The following C3orf20 variants were observed in gnomAD, a reference collection of about 807,000 sequenced individuals.
C3orf20 encodes the protein uncharacterized protein C3orf20.
C3orf20 carries 76 observed loss-of-function variants against 88.3 expected under a neutral mutation model. That is an observed-to-expected ratio of 0.86 (90% CI 0.72 to 1.04). The LOEUF is 1.04. Ranked by LOEUF, C3orf20 falls within the 50% of genes least tolerant of loss-of-function variation. C3orf20 has a pLI of 0.00. For synonymous variants in C3orf20, 436 were observed against 437.4 expected (o/e 1.00, Z 0.04); for missense variants, 1,056 against 1,123.3 (o/e 0.94, Z 0.86).
chr3:14,752,593 CAA>C (rs1446183167), intron 12 of C3orf20, among the ~76,000 whole-genome samples: 1 of 152,052 alleles, frequency 6.6e-6, no homozygotes, highest in Non-Finnish European at 1.5e-5. Flanking sequence ...ATCCATCTGA[CAA>C]AGAGCCAATA....
intron 1 of C3orf20, among the ~76,000 whole-genome samples, chr3:14,681,245 G>A (rs1293500480): frequency 6.6e-6 from 1 of 152,238 alleles, no homozygotes; most frequent in African/African-American, 2.4e-5. Context: ...CTGTGAGCCT[G>A]CCCTGTAAAC....
intron 4 of C3orf20, among the ~76,000 whole-genome samples, chr3:14,686,272 A>G (rs1006582425): frequency 1.3e-5 from 2 of 151,898 alleles, no homozygotes; most frequent in Non-Finnish European, 2.9e-5. Flanking sequence ...TGTCTTGGCT[A>G]TGTGAATAAT....
intron 14 of C3orf20, among the ~76,000 whole-genome samples, chr3:14,760,990 G>A (rs1038756545): frequency 6.6e-6 from 1 of 152,102 alleles, no homozygotes; most frequent in Non-Finnish European, 1.5e-5. Flanking sequence ...TATTTGGGTA[G>A]GTGTCTACTT....
intron 12 of C3orf20, among the ~76,000 whole-genome samples, chr3:14,744,106 A>G (rs1331463924): frequency 6.6e-6 from 1 of 151,980 alleles, no homozygotes; most frequent in Non-Finnish European, 1.5e-5. Flanking sequence ...TCAGGCTGAA[A>G]ATTTTCCAAA....
At chr3:14,754,302 A>G (rs527599102) in intron 12 of C3orf20, among the ~76,000 whole-genome samples, 3 of 152,336 alleles carry the variant, frequency 2.0e-5, no homozygotes, top group East Asian at 1.9e-4. Flanking sequence ...CAGATAAAAC[A>G]AAGTCAAGCT....
intron 7 of C3orf20, among the ~76,000 whole-genome samples, chr3:14,705,499 AG>A (rs1156703942): frequency 1.3e-5 from 2 of 152,254 alleles, no homozygotes; most frequent in Non-Finnish European, 2.9e-5. Flanking sequence ...TGTACTTCAG[AG>A]GGAGCAACTG....
chr3:14,707,540 G>A lies in C3orf20; in HGVS notation c.1160+2922G>A, dbSNP rs1397718922. Among the ~76,000 whole-genome samples, 3 of 150,566 alleles carry A rather than the reference G, an allele frequency of 2.0e-5. No individual in the cohort carries two copies. In the East Asian group the frequency reaches 5.9e-4, roughly 30 times the overall value. Reference sequence around the variant, plus strand: ...AATGTGTATTGAAGTCCTTGTTCATGTTTAGATTGAGTTGTCTTTCTTTAA... The same window carrying A: ...AATGTGTATTGAAGTCCTTGTTCATATTTAGATTGAGTTGTCTTTCTTTAA... On this transcript the variant is annotated intron_variant, in intron 7 of 16. Transcript: ENST00000253697.
chr3:14,717,100 A>T (rs2033971032), intron 9 of C3orf20, among the ~76,000 whole-genome samples: 1 of 152,198 alleles, frequency 6.6e-6, no homozygotes, highest in African/African-American at 2.4e-5. Context: ...ACTAGTGCCA[A>T]CTTTGCCAGA....
intron 15 of C3orf20, 64 bp downstream of exon 15, chr3:14,761,679 C>A: frequency 7.2e-7 from 1 of 1,396,144 alleles, no homozygotes. Context: ...AGAAAGGAGA[C>A]TTGGGCTGTG....
intron 12 of C3orf20, among the ~76,000 whole-genome samples, chr3:14,741,051 C>T (rs775949958): frequency 2.0e-5 from 3 of 152,074 alleles, no homozygotes; most frequent in Non-Finnish European, 2.9e-5. Flanking sequence ...TATGAAAAAC[C>T]GTAGACATAA....
At chr3:14,739,599 T>C (rs1374236432) in intron 12 of C3orf20, among the ~76,000 whole-genome samples, 2 of 152,248 alleles carry the variant, frequency 1.3e-5, no homozygotes, top group Admixed American at 1.3e-4. Flanking sequence ...AGCCTGTCCT[T>C]TGAAGCTTTA....
At chr3:14,751,825 TAA>T (rs1310434125) in intron 12 of C3orf20, among the ~76,000 whole-genome samples, 1 of 152,026 alleles carries the variant, frequency 6.6e-6, no homozygotes, top group Non-Finnish European at 1.5e-5. Context: ...CTCAAGGAAA[TAA>T]AAGAGGGCAC....
intron 15 of C3orf20, among the ~76,000 whole-genome samples, chr3:14,771,211 G>C (rs1011813335): frequency 6.6e-6 from 1 of 152,230 alleles, no homozygotes; most frequent in Non-Finnish European, 1.5e-5. Flanking sequence ...GATGCAGCAG[G>C]TCCTCACCAG....
intron 12 of C3orf20, among the ~76,000 whole-genome samples, chr3:14,742,234 G>A (rs1003533037): frequency 6.6e-6 from 1 of 152,234 alleles, no homozygotes; most frequent in Non-Finnish European, 1.5e-5. Flanking sequence ...AGGGAAAAGA[G>A]AATTTTAAAT....
chr3:14,693,982 A>T (rs1476116223), intron 5 of C3orf20, among the ~76,000 whole-genome samples: 1 of 152,090 alleles, frequency 6.6e-6, no homozygotes. Flanking sequence ...TGTTGATAGG[A>T]TGTATCACAT....
chr3:14,689,661 A>C (rs2032615132), intron 4 of C3orf20, among the ~76,000 whole-genome samples: 1 of 152,084 alleles, frequency 6.6e-6, no homozygotes, highest in Non-Finnish European at 1.5e-5. Context: ...TGCTGGCCCA[A>C]GGCTTATCCT....
intron 5 of C3orf20, among the ~76,000 whole-genome samples, chr3:14,702,083 A>C (rs892920879): frequency 6.6e-6 from 1 of 152,186 alleles, no homozygotes; most frequent in Non-Finnish European, 1.5e-5. Context: ...GCTGATAAAG[A>C]CACATCCAAG....
chr3:14,756,300 G>T (rs75340278), intron 12 of C3orf20, among the ~76,000 whole-genome samples: 2,900 of 151,716 alleles, frequency 0.019, 47 homozygotes, highest in Middle Eastern at 0.044. Context: ...ACAACAACCC[G>T]GTACAGTGTT....
At chr3:14,718,623 G>A (rs182487940) in intron 9 of C3orf20, among the ~76,000 whole-genome samples, 11 of 152,334 alleles carry the variant, frequency 7.2e-5, no homozygotes, top group Admixed American at 7.2e-4. Context: ...TGGACTGTAG[G>A]TGGACATTGT....
Sources: gnomAD v4.1 joint callset for allele counts (sites outside exome capture counted in the v4.1 genomes callset) on GRCh38, gnomAD v4.1.1 for gene constraint, MANE v1.5 for transcripts, NCBI Gene and HGNC (gene_info 2026-07-23, HGNC 2026-07-21) for gene names.